Variants in CSMD1 observed in about 807,000 individuals in gnomAD.
The protein encoded by CSMD1 is CUB and sushi domain-containing protein 1.
A neutral mutation model predicts 417.5 loss-of-function variants in CSMD1; 213 were observed. The ratio of observed to expected loss-of-function variants is 0.51; its 90% CI spans 0.46 to 0.57. CSMD1 has a LOEUF of 0.57. Among genes scored for constraint, CSMD1 ranks in the 20% least tolerant of loss-of-function variants. The pLI, the probability that CSMD1 is intolerant of heterozygous loss-of-function variation, is 0.00. For missense variants in CSMD1, 6,923 were observed against 4,529.7 expected, an observed-to-expected ratio of 1.53 and a Z score of -15.17; for synonymous variants, 2,862 against 1,736.8, an observed-to-expected ratio of 1.65 and a Z score of -16.11.
chr8:4,438,754 T>C (rs73658899), intron 2 of CSMD1, among the ~76,000 whole-genome samples: 4,898 of 152,324 alleles, frequency 0.032, 262 homozygotes, highest in African/African-American at 0.11. Context: ...TACAAATGAG[T>C]CCAAACCATG....
intron 20 of CSMD1, among the ~76,000 whole-genome samples, chr8:3,363,055 TC>T (rs1028292423): frequency 1.3e-5 from 2 of 152,162 alleles, no homozygotes; most frequent in African/African-American, 4.8e-5. Flanking sequence ...CCCTCCACTT[TC>T]CCCTCGGTTT....
intron 2 of CSMD1, among the ~76,000 whole-genome samples, chr8:4,452,215 C>G (rs956021630): frequency 3.9e-5 from 6 of 152,114 alleles, no homozygotes; most frequent in African/African-American, 1.4e-4. Context: ...ATCAGTTTGA[C>G]TGCCTGAGAC....
chr8:3,308,328 T>G lies in CSMD1; in HGVS notation c.3807A>C (p.Pro1269=). Residue 1269 remains proline, a synonymous_variant, in exon 24 of 70, where the codon CCA becomes CCC. Coordinates refer to ENST00000635120, the MANE Select transcript of CSMD1 (RefSeq NM_033225.6). ...CACACTCACCTATGCACGAAGGTAG[T>G]GGTTTGTCCCACACTCTCCTGTCTC... ...LSGDRRVWDK[P]LPSCIAECGG... 1 of 1,610,614 alleles carries G rather than the reference T, an allele frequency of 6.2e-7. No individual in the cohort carries two copies. The highest frequency in any genetic ancestry group is 8.5e-7 in the Non-Finnish European group (1 of 1,177,540).
intron 5 of CSMD1, among the ~76,000 whole-genome samples, chr8:3,788,320 A>C (rs1799555965): frequency 6.6e-6 from 1 of 152,190 alleles, no homozygotes; most frequent in Non-Finnish European, 1.5e-5. Flanking sequence ...ATAATAAATT[A>C]AGGGATGGGC....
At chr8:4,589,682 C>T (rs142473359) in intron 2 of CSMD1, among the ~76,000 whole-genome samples, 11 of 152,198 alleles carry the variant, frequency 7.2e-5, no homozygotes, top group South Asian at 4.2e-4. Flanking sequence ...AAATAACCTC[C>T]GCAATTGTTG....
chr8:4,511,753 G>T (rs1276570982), intron 2 of CSMD1, among the ~76,000 whole-genome samples: 1 of 152,110 alleles, frequency 6.6e-6, no homozygotes, highest in African/African-American at 2.4e-5. Context: ...TCATTAGGGG[G>T]CCCATTCATG....
chr8:4,407,955 G>T (rs1411539714), intron 3 of CSMD1, among the ~76,000 whole-genome samples: 2 of 152,104 alleles, frequency 1.3e-5, no homozygotes, highest in African/African-American at 2.4e-5. Flanking sequence ...TCTCCCATTT[G>T]TTATCCTCCT....
intron 39 of CSMD1, among the ~76,000 whole-genome samples, chr8:3,153,078 A>G (rs12114703): frequency 0.091 from 13,875 of 152,256 alleles, 711 homozygotes; most frequent in Middle Eastern, 0.13. Context: ...GAAGGTCAGT[A>G]CAAAATACAG....
chr8:4,838,784 G>C (rs999291812), intron 1 of CSMD1, among the ~76,000 whole-genome samples: 5 of 152,142 alleles, frequency 3.3e-5, no homozygotes, highest in African/African-American at 4.8e-5. Flanking sequence ...CCAGAGTTTG[G>C]TCGGAACCGA....
At chr8:4,155,334 C>CATG (rs1796775259) in intron 3 of CSMD1, among the ~76,000 whole-genome samples, 1 of 152,184 alleles carries the variant, frequency 6.6e-6, no homozygotes, top group Non-Finnish European at 1.5e-5. Flanking sequence ...GTCTCACCTG[C>CATG]ATGACTCCCG....
intron 62 of CSMD1, among the ~76,000 whole-genome samples, chr8:2,959,588 C>T (rs1803285391): frequency 6.6e-6 from 1 of 152,090 alleles, no homozygotes; most frequent in Non-Finnish European, 1.5e-5. Flanking sequence ...TACCGAGCCA[C>T]TGCAAACTGA....
intron 2 of CSMD1, among the ~76,000 whole-genome samples, chr8:4,471,734 G>C (rs536662774): frequency 8.6e-6 from 1 of 115,894 alleles, no homozygotes; most frequent in African/African-American, 2.6e-5. Context: ...CAAACACGCG[G>C]AGAAAAGAAG....
chr8:4,421,931 G>T (rs1255649339), intron 2 of CSMD1, among the ~76,000 whole-genome samples: 2 of 151,962 alleles, frequency 1.3e-5, no homozygotes, highest in Non-Finnish European at 2.9e-5. Context: ...GGGAGTTTCA[G>T]AAGGTACAAA....
intron 1 of CSMD1, among the ~76,000 whole-genome samples, chr8:4,901,081 A>T (rs1804840256): frequency 6.6e-6 from 1 of 152,240 alleles, no homozygotes; most frequent in African/African-American, 2.4e-5. Flanking sequence ...AAGCAATTCA[A>T]CTTATTATTT....
chr8:4,483,732 C>G (rs957502683), intron 2 of CSMD1, among the ~76,000 whole-genome samples: 2 of 152,092 alleles, frequency 1.3e-5, no homozygotes, highest in African/African-American at 4.8e-5. Context: ...TCAAACAGTT[C>G]TAGAAAATAA....
intron 10 of CSMD1, among the ~76,000 whole-genome samples, chr8:3,531,594 C>G (rs1240562996): frequency 6.6e-6 from 1 of 152,016 alleles, no homozygotes. Context: ...GTGGTCTGGC[C>G]CCGTGGGAGG....
intron 41 of CSMD1, among the ~76,000 whole-genome samples, chr8:3,139,677 T>G (rs1425760395): frequency 1.3e-5 from 2 of 152,078 alleles, no homozygotes; most frequent in Non-Finnish European, 2.9e-5. Context: ...CCAAGGTACA[T>G]TAAAATTATA....
At chr8:3,347,237 C>G (rs907551304) in intron 22 of CSMD1, among the ~76,000 whole-genome samples, 2 of 152,232 alleles carry the variant, frequency 1.3e-5, no homozygotes, top group Non-Finnish European at 2.9e-5. Flanking sequence ...TTTTCCTTTT[C>G]AGTGCCTTGA....
intron 10 of CSMD1, among the ~76,000 whole-genome samples, chr8:3,503,207 A>C (rs1322229618): frequency 3.9e-5 from 6 of 152,198 alleles, no homozygotes; most frequent in African/African-American, 1.4e-4. Context: ...CACACAAAGA[A>C]AGGGAGTTAG....
Sources: gnomAD v4.1 joint callset for allele counts (sites outside exome capture counted in the v4.1 genomes callset) on GRCh38, gnomAD v4.1.1 for gene constraint, MANE v1.5 for transcripts, NCBI Gene and HGNC (gene_info 2026-07-23, HGNC 2026-07-21) for gene names.